Variants in GNA11 observed in about 807,000 individuals in gnomAD.
GNA11 encodes the protein G protein subunit alpha 11, also known as guanine nucleotide-binding protein subunit alpha-11.
Under a neutral mutation model 38.2 loss-of-function variants are expected in GNA11, and 8 were observed. The observed-to-expected ratio is 0.21, with a 90% confidence interval of 0.12 to 0.38. The LOEUF (loss-of-function observed/expected upper bound fraction) is 0.38. GNA11 is among the 10% of genes least tolerant of loss of function. The pLI is 1.00. For synonymous variants in GNA11, 211 were observed against 221.4 expected, an observed-to-expected ratio of 0.95 and a Z score of 0.42; for missense variants, 268 against 516.3, an observed-to-expected ratio of 0.52 and a Z score of 4.66.
intron 3 of GNA11, among the ~76,000 whole-genome samples, chr19:3,114,269 C>A (rs1188354543): frequency 6.6e-6 from 1 of 152,218 alleles, no homozygotes; most frequent in Non-Finnish European, 1.5e-5. Context: ...TTACAACCCC[C>A]ACCCCAGGCA....
chr19:3,100,046 T>G (rs985969951), intron 1 of GNA11, among the ~76,000 whole-genome samples: 1 of 152,210 alleles, frequency 6.6e-6, no homozygotes, highest in Non-Finnish European at 1.5e-5. Context: ...GGTGATATCT[T>G]GTCGCGTCCA....
At position 3,108,234 on chromosome 19, in the gene GNA11, C is replaced by T. The variant is rs1452144695; in HGVS notation, c.137-1915C>T. 6.6e-6 allele frequency among the ~76,000 whole-genome samples: 1 copy of T among 152,184 alleles called. No homozygotes were observed. The highest frequency in any genetic ancestry group is 2.4e-5 in the African/African-American group (1 of 41,444). Reference sequence around the variant, plus strand: ...ACCGTGGGACACATGCAGCCTGTCTCATCTCTAGGAGCTGCCAGGTGAGGG... The same window carrying T: ...ACCGTGGGACACATGCAGCCTGTCTTATCTCTAGGAGCTGCCAGGTGAGGG... On this transcript the variant is annotated intron_variant, in intron 1 of 6. Coordinates refer to ENST00000078429, the MANE Select transcript of GNA11 (RefSeq NM_002067.5). The surrounding 1 kb of genome is among the most constrained non-coding windows in gnomAD (Gnocchi z 4.5).
rs924430345 is a variant in GNA11 at position 3,108,716 on chromosome 19, G to C, written c.137-1433G>C. On this transcript the variant is annotated intron_variant, in intron 1 of 6. Transcript: ENST00000078429. This position sits in a 1 kb window ranked among gnomAD's most constrained non-coding sequence, Gnocchi z 4.5. Reference sequence around the variant, plus strand: ...ACTTAAATTAACAAAACTTATTTCAGATAGTTTCTGAGGGTTGGGAATGTG... The same window carrying C: ...ACTTAAATTAACAAAACTTATTTCACATAGTTTCTGAGGGTTGGGAATGTG... Among the ~76,000 whole-genome samples the C allele has an allele frequency of 6.6e-6, 1 of 152,238 alleles. No homozygotes were observed. Among genetic ancestry groups the C allele is most frequent in the Non-Finnish European group, 1.5e-5 (1 of 68,050 alleles).
chr19:3,101,180 G>A (rs781057981), intron 1 of GNA11, among the ~76,000 whole-genome samples: 1 of 152,202 alleles, frequency 6.6e-6, no homozygotes, highest in Admixed American at 6.5e-5. Context: ...GCTGAAGGGT[G>A]TGGTCAAACT....
Position 3,113,332 on chromosome 19 carries a change from C to A in GNA11, c.324C>A (p.Ala108=). The A allele has an allele frequency of 1.9e-6, 3 of 1,613,160 alleles. No individual in the cohort carries two copies. Among genetic ancestry groups the A allele is most frequent in the Non-Finnish European group, 1.7e-6 (2 of 1,179,804 alleles). ...GTCTCCCCTGCCCGCCCTCGCAGGC[C>A]AATGCGCTCCTGATCCGGGAGGTGG... ...KILYKYEQNK[A]NALLIREVDV... is the part of the protein sequence containing the mutation. Residue 108 remains alanine (A), a splice_region_variant and synonymous_variant, in exon 3 of 7, where the codon GCC becomes GCA. Coordinates refer to ENST00000078429, the MANE Select transcript of GNA11 (RefSeq NM_002067.5).
rs1000689229 is a variant in GNA11, at chr19:3,094,613, G to A, written c.-39G>A. 1.6e-5 allele frequency: 17 copies of A among 1,064,614 alleles called. No individual in the cohort carries two copies. The highest frequency in any genetic ancestry group is 2.0e-5 in the Non-Finnish European group (17 of 861,946). The allele number at this position is 1,064,614 out of a possible 1,614,324, so 65.9% of individuals were successfully genotyped here. On this transcript the variant is annotated 5_prime_UTR_variant, in exon 1 of 7. Transcript: ENST00000078429. This position sits in a 1 kb window ranked among gnomAD's most constrained non-coding sequence, Gnocchi z 6.0. ...AGGGCCGGGCCGGGGGCCGGGGGGC[G>A]GCGGCGGGCAGGCGGCCGCGTCGGC...
chr19:3,097,183 C>A (rs122631), intron 1 of GNA11, among the ~76,000 whole-genome samples: 51,293 of 151,088 alleles, frequency 0.34, 9,517 homozygotes, highest in East Asian at 0.52. Context: ...CGAGGCTCCC[C>A]GGAAGGAAGG....
At chr19:3,103,519 C>CTTTTTT (rs760497682) in intron 1 of GNA11, among the ~76,000 whole-genome samples, 2,371 of 45,816 alleles carry the variant, frequency 0.052, 609 homozygotes, top group Non-Finnish European at 0.064. Context: ...GGCCTTGAAT[C>CTTTTTT]TTTTTTTTTT....
At chr19:3,097,219 A>G (rs1460447474) in intron 1 of GNA11, among the ~76,000 whole-genome samples, 2 of 152,042 alleles carry the variant, frequency 1.3e-5, no homozygotes, top group Admixed American at 6.5e-5. Flanking sequence ...GCAGGTGGCT[A>G]TGGCGCCTGC....
In GNA11 at chr19:3,110,074, G is replaced by A. The variant is rs928807739; in HGVS notation, c.137-75G>A. 2 of 1,241,158 alleles carry A rather than the reference G, an allele frequency of 1.6e-6. No individual in the cohort carries two copies. Among genetic ancestry groups the A allele is most frequent in the African/African-American group, 3.0e-5 (2 of 67,404 alleles). The allele number at this position is 1,241,158 out of a possible 1,614,324, so 76.9% of individuals were successfully genotyped here. ...GTGCTGGGTGCTGCAGCACGGCAGG[G>A]TCTGGGTAAGAGGGGGCAGCAGCAC... On this transcript the variant is annotated intron_variant, in intron 1 of 6. Transcript: ENST00000078429. This position sits in a 1 kb window ranked among gnomAD's most constrained non-coding sequence, Gnocchi z 5.4.
At chr19:3,102,469 C>T (rs1259155122) in intron 1 of GNA11, among the ~76,000 whole-genome samples, 1 of 152,200 alleles carries the variant, frequency 6.6e-6, no homozygotes, top group East Asian at 1.9e-4. Flanking sequence ...AGGGCGCCCC[C>T]TTGTCTTCTT....
chr19:3,104,115 C>G lies in GNA11; in HGVS notation c.137-6034C>G, dbSNP rs555839654. On this transcript the variant is annotated intron_variant, in intron 1 of 6. Transcript: ENST00000078429. ...GATTACAGGCGTGAGCCACCGCGCC[C>G]GGCTTTGAATCTTGAGCATCGGATG... Among the ~76,000 whole-genome samples the G allele has an allele frequency of 1.6e-4, 24 of 152,378 alleles. No homozygotes were observed. In the East Asian group the frequency reaches 4.0e-3, roughly 26 times the overall value.
At chr19:3,099,207 G>A (rs1336230237) in intron 1 of GNA11, among the ~76,000 whole-genome samples, 1 of 150,884 alleles carries the variant, frequency 6.6e-6, no homozygotes, top group Non-Finnish European at 1.5e-5. Context: ...TCTTAGAGGG[G>A]CGCTCGCGGG....
intron 1 of GNA11, among the ~76,000 whole-genome samples, chr19:3,107,802 A>G (rs1252710203): frequency 1.3e-5 from 2 of 152,018 alleles, no homozygotes; most frequent in Non-Finnish European, 2.9e-5. Flanking sequence ...CGGTCAGTAG[A>G]GCTGAGGCCG....
chr19:3,122,001 C>G lies in GNA11; in HGVS notation c.*822C>G. 8.6e-6 allele frequency: 2 copies of G among 233,278 alleles called. No homozygotes were observed. The highest frequency in any genetic ancestry group is 1.2e-4 in the East Asian group (2 of 16,558). 14.5% of individuals were successfully genotyped at this position (233,278 alleles called of 1,614,324 possible). A position where few individuals can be genotyped will look rare whatever the true frequency, so the allele number is the denominator to read the frequency against. On this transcript the variant is annotated 3_prime_UTR_variant, in exon 7 of 7. Coordinates refer to ENST00000078429, the MANE Select transcript of GNA11 (RefSeq NM_002067.5). This position sits in a 1 kb window ranked among gnomAD's most constrained non-coding sequence, Gnocchi z 7.7. ...CTTCTCTGGGCTGTGCCTCCGGGGC[C>G]AACACTGGCTGCTTGGGGCTGCCCG...
Position 3,094,544 on chromosome 19 carries a change from AGGCCGGAGGGCCGC to A in GNA11, c.-104_-91del. The A allele has an allele frequency of 1.0e-5, 3 of 300,558 alleles. No homozygotes were observed. Among genetic ancestry groups the A allele is most frequent in the Non-Finnish European group, 1.4e-5 (3 of 213,608 alleles). The allele number at this position is 300,558 out of a possible 1,614,324, so 18.6% of individuals were successfully genotyped here. On this transcript the variant is annotated 5_prime_UTR_variant, in exon 1 of 7. Transcript: ENST00000078429. This position sits in a 1 kb window ranked among gnomAD's most constrained non-coding sequence, Gnocchi z 6.0. ...GCCCGGGGCCGAGGGCCGGTGGCCG[AGGCCGGAGGGCCGC>A]GGCGGGCGGCGGCCGAGGCGGCTCC...
chr19:3,110,007 G>T lies in GNA11; in HGVS notation c.137-142G>T. On this transcript the variant is annotated intron_variant, in intron 1 of 6. Coordinates refer to ENST00000078429, the MANE Select transcript of GNA11 (RefSeq NM_002067.5). This position sits in a 1 kb window ranked among gnomAD's most constrained non-coding sequence, Gnocchi z 5.4. The stretch of plus-strand genomic sequence containing the variant: ...TTCCGAGGAGTCAGGAGGCCGTGGC[G>T]TCTGGTGGAGAGACGGTCAGCCTCA... The T allele has an allele frequency of 1.6e-6, 1 of 619,376 alleles. No individual in the cohort carries two copies. Among genetic ancestry groups the T allele is most frequent in the South Asian group, 2.0e-5 (1 of 49,428 alleles). 38.4% of individuals were successfully genotyped at this position (619,376 alleles called of 1,614,324 possible). A position where few individuals can be genotyped will look rare whatever the true frequency, so the allele number is the denominator to read the frequency against.
rs1395918028 is a variant in GNA11, at chr19:3,122,948, C to CCG, written c.*1770_*1771insGC. The stretch of plus-strand genomic sequence containing the variant: ...GGGAGACGGGGCTGGCGGGATACCC[C>CCG]CCCCCCGGCTTCCCCACACCACTTC... On this transcript the variant is annotated 3_prime_UTR_variant, in exon 7 of 7. Transcript: ENST00000078429. This position sits in a 1 kb window ranked among gnomAD's most constrained non-coding sequence, Gnocchi z 7.7. The CCG allele has an allele frequency of 4.3e-6, 1 of 233,478 alleles. No individual in the cohort carries two copies. The highest frequency in any genetic ancestry group is 6.0e-5 in the East Asian group (1 of 16,560). The allele number at this position is 233,478 out of a possible 1,614,324, so 14.5% of individuals were successfully genotyped here. A position where few individuals can be genotyped will look rare whatever the true frequency, so the allele number is the denominator to read the frequency against.
At chr19:3,118,614 C>T (rs987921417) in intron 4 of GNA11, 32 of 345,284 alleles carry the variant, frequency 9.3e-5, no homozygotes, top group African/African-American at 3.5e-4. Flanking sequence ...GGGCACCCAT[C>T]GCAGGTTCCC....
Sources: allele counts gnomAD v4.1 joint callset (sites outside exome capture counted in the v4.1 genomes callset), GRCh38; gene constraint gnomAD v4.1.1; non-coding constraint Gnocchi (gnomAD v3.1); transcripts MANE v1.5; gene names NCBI Gene and HGNC (gene_info 2026-07-23, HGNC 2026-07-21).